BCKDHB: variants seen among roughly 807,000 people sequenced by gnomAD.
BCKDHB encodes the protein branched chain keto acid dehydrogenase E1 subunit beta, also known as 2-oxoisovalerate dehydrogenase subunit beta, mitochondrial.
Under a neutral mutation model 48.5 loss-of-function variants are expected in BCKDHB, and 41 were observed. The ratio of observed to expected loss-of-function variants is 0.85; its 90% CI spans 0.66 to 1.10. BCKDHB has a LOEUF of 1.10. BCKDHB is among the 50% of genes least tolerant of loss of function. The pLI, the probability that BCKDHB is intolerant of heterozygous loss-of-function variation, is 0.00. For synonymous variants in BCKDHB, 201 were observed against 174.8 expected (o/e 1.15, Z -1.18); for missense variants, 496 against 494.2 (o/e 1.00, Z -0.03).
At chr6:80,139,012 A>G (rs1014096113) in intron 3 of BCKDHB, among the ~76,000 whole-genome samples, 11 of 152,072 alleles carry the variant, frequency 7.2e-5, no homozygotes, top group African/African-American at 1.7e-4. Flanking sequence ...CTGTGAGATG[A>G]TATCTCATTG....
At chr6:80,325,631 C>T (rs1007634552) in intron 9 of BCKDHB, among the ~76,000 whole-genome samples, 4 of 152,176 alleles carry the variant, frequency 2.6e-5, no homozygotes, top group African/African-American at 9.7e-5. Context: ...TGATCACATT[C>T]TTAAGAAATG....
At chr6:80,408,040 T>C in the BCKDHB span, among the ~76,000 whole-genome samples, 3 of 152,172 alleles carry the variant, frequency 2.0e-5, no homozygotes, top group Non-Finnish European at 4.4e-5. Context: ...CGACACCTAA[T>C]TTATTGAGAG....
At chr6:80,174,882 A>C (rs1773079744) in intron 6 of BCKDHB, among the ~76,000 whole-genome samples, 1 of 152,230 alleles carries the variant, frequency 6.6e-6, no homozygotes, top group Non-Finnish European at 1.5e-5. Flanking sequence ...TATTTACAAA[A>C]TCTATGCATT....
At position 80,158,109 on chromosome 6, in the gene BCKDHB, A is replaced by C. The variant is rs181185616; in HGVS notation, c.344-9569A>C. Among the ~76,000 whole-genome samples the C allele has an allele frequency of 2.6e-5, 4 of 152,340 alleles. No homozygotes were observed. In the East Asian group the frequency reaches 7.7e-4, roughly 29 times the overall value. ...ATGAGACAGTCTGTGTTCTTAGCAG[A>C]GGAGCTTAGAAATTTTAATCCAGTC... On this transcript the variant is annotated intron_variant, in intron 3 of 9. Coordinates refer to ENST00000320393, the MANE Select transcript of BCKDHB (RefSeq NM_183050.4).
intron 9 of BCKDHB, among the ~76,000 whole-genome samples, chr6:80,283,010 G>A (rs184939784): frequency 6.6e-6 from 1 of 152,074 alleles, no homozygotes; most frequent in African/African-American, 2.4e-5. Flanking sequence ...CATAGTGATG[G>A]TGGTTACTTA....
chr6:80,384,414 A>C, the BCKDHB span, among the ~76,000 whole-genome samples: 1 of 150,898 alleles, frequency 6.6e-6, no homozygotes. Context: ...GCTGGAGTGC[A>C]ATGGCGCGAT....
At chr6:80,195,272 A>G (rs192696249) in intron 6 of BCKDHB, among the ~76,000 whole-genome samples, 4 of 152,162 alleles carry the variant, frequency 2.6e-5, no homozygotes. Context: ...ATTTAAGGTG[A>G]AGGGGGAGGA....
At chr6:80,120,234 G>A (rs1276858529) in intron 1 of BCKDHB, among the ~76,000 whole-genome samples, 2 of 152,032 alleles carry the variant, frequency 1.3e-5, no homozygotes, top group Non-Finnish European at 2.9e-5. Flanking sequence ...GTGTATATGT[G>A]CCACATTTTC....
chr6:80,126,189 C>T (rs985596996), intron 1 of BCKDHB, among the ~76,000 whole-genome samples: 16 of 152,060 alleles, frequency 1.1e-4, no homozygotes, highest in Non-Finnish European at 1.9e-4. Context: ...GGGCAGAGGA[C>T]GTATCTGACT....
At chr6:80,272,856 A>T (rs3805897) in intron 8 of BCKDHB, among the ~76,000 whole-genome samples, 2 of 152,020 alleles carry the variant, frequency 1.3e-5, no homozygotes, top group East Asian at 3.8e-4. Flanking sequence ...GTATCTTACA[A>T]TAATGGGTAT....
chr6:80,403,256 T>C, the BCKDHB span, among the ~76,000 whole-genome samples: 5 of 151,870 alleles, frequency 3.3e-5, no homozygotes, highest in Non-Finnish European at 7.4e-5. Context: ...CCATGTATTT[T>C]TGTTTAATTT....
intron 9 of BCKDHB, 67 bp downstream of exon 9, chr6:80,273,288 A>G (rs1777832430): frequency 7.7e-7 from 1 of 1,300,552 alleles, no homozygotes; most frequent in Admixed American, 1.7e-5. Flanking sequence ...AGAAGAAAAT[A>G]AATTACTTAT....
intron 9 of BCKDHB, among the ~76,000 whole-genome samples, chr6:80,291,991 G>A (rs556375713): frequency 1.6e-4 from 24 of 152,128 alleles, no homozygotes; most frequent in Non-Finnish European, 2.9e-4. Flanking sequence ...TAAAAGCTGA[G>A]CCCTGCCATG....
intron 9 of BCKDHB, among the ~76,000 whole-genome samples, chr6:80,286,266 C>G (rs1484715517): frequency 1.3e-5 from 2 of 152,104 alleles, no homozygotes; most frequent in Non-Finnish European, 2.9e-5. Context: ...ACAATTTCTC[C>G]TTAGAGTAAA....
At chr6:80,416,480 C>A in the BCKDHB span, among the ~76,000 whole-genome samples, 1 of 151,974 alleles carries the variant, frequency 6.6e-6, no homozygotes, top group East Asian at 1.9e-4. Flanking sequence ...TACTTTGTAA[C>A]TTTGTTCTCA....
the BCKDHB span, among the ~76,000 whole-genome samples, chr6:80,396,684 G>C: frequency 6.6e-6 from 1 of 152,204 alleles, no homozygotes; most frequent in South Asian, 2.1e-4. Flanking sequence ...TCTTGTGATA[G>C]TCAGTGAATT....
chr6:80,130,364 T>A (rs1770567983), intron 3 of BCKDHB, among the ~76,000 whole-genome samples: 1 of 152,150 alleles, frequency 6.6e-6, no homozygotes, highest in Non-Finnish European at 1.5e-5. Context: ...AATTTTTTTT[T>A]AAATTGTTGT....
rs564575272 is a variant in BCKDHB, at chr6:80,272,597, A to G, written c.952-538A>G. 1.3e-3 allele frequency among the ~76,000 whole-genome samples: 193 copies of G among 152,308 alleles called. 1 individual carries two copies. Among genetic ancestry groups the G allele is most frequent in the Middle Eastern group, 3.4e-3 (1 of 294 alleles). On this transcript the variant is annotated intron_variant, in intron 8 of 9. Coordinates refer to ENST00000320393, the MANE Select transcript of BCKDHB (RefSeq NM_183050.4). ...TTTACCCTTAAAATAGAGTGTGGTC[A>G]TCAACCAGATTTTAGAGCACATTAA...
At chr6:80,375,379 G>A in the BCKDHB span, among the ~76,000 whole-genome samples, 1 of 152,044 alleles carries the variant, frequency 6.6e-6, no homozygotes, top group Non-Finnish European at 1.5e-5. Flanking sequence ...TGTCAGATCG[G>A]GTTAATTTGA....
Sources: allele counts gnomAD v4.1 joint callset (sites outside exome capture counted in the v4.1 genomes callset), GRCh38; gene constraint gnomAD v4.1.1; transcripts MANE v1.5; gene names NCBI Gene and HGNC (gene_info 2026-07-23, HGNC 2026-07-21).